The following TRIM71 variants were observed in gnomAD, a reference collection of about 807,000 sequenced individuals.
TRIM71 encodes E3 ubiquitin-protein ligase TRIM71.
Under a neutral mutation model 61.2 loss-of-function variants are expected in TRIM71, and 9 were observed. The ratio of observed to expected loss-of-function variants is 0.15; its 90% CI spans 0.09 to 0.26. The LOEUF (loss-of-function observed/expected upper bound fraction) is 0.26. Ranked by LOEUF, TRIM71 falls within the 10% of genes least tolerant of loss-of-function variation. TRIM71 has a pLI of 1.00. For missense variants in TRIM71, 998 were observed against 1,238.7 expected (o/e 0.81, Z 2.92); for synonymous variants, 645 against 553.2 (o/e 1.17, Z -2.33).
chr3:32,897,644 C>CT lies in TRIM71; in HGVS notation c.*5834dup, dbSNP rs1697094258. 6.6e-6 allele frequency: 1 copy of CT among 152,148 alleles called. No individual in the cohort carries two copies. The highest frequency in any genetic ancestry group is 2.4e-5 in the African/African-American group (1 of 41,418). 9.4% of individuals were successfully genotyped at this position (152,148 alleles called of 1,614,324 possible). On this transcript the variant is annotated 3_prime_UTR_variant, in exon 4 of 4. Coordinates refer to ENST00000383763, the MANE Select transcript of TRIM71 (RefSeq NM_001039111.3). Reference sequence around the variant, plus strand: ...AAGTGTTCAAAAACTCCTGTGTTAGCTAACAGGCTTCTGAATGTATCACTG... The same window carrying CT: ...AAGTGTTCAAAAACTCCTGTGTTAGCTTAACAGGCTTCTGAATGTATCACTG...
intron 1 of TRIM71, among the ~76,000 whole-genome samples, chr3:32,845,149 G>C (rs1434197859): frequency 6.7e-6 from 1 of 149,882 alleles, no homozygotes; most frequent in Non-Finnish European, 1.5e-5. Context: ...CCAGGTACCT[G>C]TCTGGATTGT....
intron 1 of TRIM71, among the ~76,000 whole-genome samples, chr3:32,830,910 A>G (rs1696263466): frequency 6.6e-6 from 1 of 152,188 alleles, no homozygotes. Flanking sequence ...TCCTGGGTTC[A>G]AGCGATTCTC....
chr3:32,821,368 TTA>T (rs1432592057), intron 1 of TRIM71, among the ~76,000 whole-genome samples: 3 of 152,146 alleles, frequency 2.0e-5, no homozygotes, highest in Admixed American at 2.0e-4. Flanking sequence ...CACCTTTTCC[TTA>T]TAGTGACTCA....
chr3:32,851,613 G>C (rs1444268386), intron 1 of TRIM71, among the ~76,000 whole-genome samples: 1 of 152,044 alleles, frequency 6.6e-6, no homozygotes, highest in African/African-American at 2.4e-5. Flanking sequence ...CGAGTAGCTG[G>C]GATTACAAGT....
chr3:32,855,450 C>A (rs1297319477), intron 1 of TRIM71, among the ~76,000 whole-genome samples: 1 of 152,034 alleles, frequency 6.6e-6, no homozygotes, highest in Admixed American at 6.6e-5. Flanking sequence ...GCACAGTGAC[C>A]CCCAGGAGTG....
At chr3:32,873,062 T>TCCCCCCCCCCCCCC (rs1559548207) in intron 1 of TRIM71, among the ~76,000 whole-genome samples, 1 of 83,314 alleles carries the variant, frequency 1.2e-5, no homozygotes, top group African/African-American at 3.9e-5. Context: ...CTTCTCTCTC[T>TCCCCCCCCCCCCCC]TCCTCCCTCC....
chr3:32,891,964 G>A lies in TRIM71; in HGVS notation c.*153G>A. 5 of 1,105,234 alleles carry A rather than the reference G, an allele frequency of 4.5e-6. No homozygotes were observed. The highest frequency in any genetic ancestry group is 6.2e-6 in the Non-Finnish European group (5 of 809,420). The allele number at this position is 1,105,234 out of a possible 1,614,324, so 68.5% of individuals were successfully genotyped here. On this transcript the variant is annotated 3_prime_UTR_variant, in exon 4 of 4. Coordinates refer to ENST00000383763, the MANE Select transcript of TRIM71 (RefSeq NM_001039111.3). The surrounding 1 kb of genome is among the most constrained non-coding windows in gnomAD (Gnocchi z 8.2). ...TTTTTTTTTAAAGAGAACAAGAAAA[G>A]TACAACATTGCTTAAGTCCTACCTC...
At chr3:32,867,063 G>A (rs1339163890) in intron 1 of TRIM71, among the ~76,000 whole-genome samples, 2 of 151,998 alleles carry the variant, frequency 1.3e-5, no homozygotes, top group Non-Finnish European at 2.9e-5. Context: ...CTGATTTCAA[G>A]TTTTCCTTTC....
chr3:32,874,101 A>C, intron 2 of TRIM71, 116 bp downstream of exon 2: 2 of 1,110,786 alleles, frequency 1.8e-6, no homozygotes, highest in Non-Finnish European at 2.5e-6. Context: ...AGTGACCCAA[A>C]TGAGCTCAGG....
At chr3:32,873,784 C>G (rs1203922512) in intron 1 of TRIM71, 34 bp from the exon 2 acceptor site, 1 of 1,457,914 alleles carries the variant, frequency 6.9e-7, no homozygotes. Context: ...CGTCCTGCAT[C>G]TCCATTTATG....
rs1453897658 is a variant in TRIM71, at chr3:32,895,321, A to G, written c.*3510A>G. The stretch of plus-strand genomic sequence containing the variant: ...AAAGGGTACCATAAACCGAATCCAA[A>G]TTACGTGTTGGGCCAAAAATGTTGC... On this transcript the variant is annotated 3_prime_UTR_variant, in exon 4 of 4. Coordinates refer to ENST00000383763, the MANE Select transcript of TRIM71 (RefSeq NM_001039111.3). 6.6e-6 allele frequency: 1 copy of G among 152,182 alleles called. No individual in the cohort carries two copies. Among genetic ancestry groups the G allele is most frequent in the East Asian group, 1.9e-4 (1 of 5,188 alleles). The allele number at this position is 152,182 out of a possible 1,614,324, so 9.4% of individuals were successfully genotyped here. A position where few individuals can be genotyped will look rare whatever the true frequency, so the allele number is the denominator to read the frequency against.
rs1004460853 is a variant in TRIM71 at position 32,891,878 on chromosome 3, C to T, written c.*67C>T. 81 of 1,483,754 alleles carry T rather than the reference C, an allele frequency of 5.5e-5. No individual in the cohort carries two copies. Among genetic ancestry groups the T allele is most frequent in the Middle Eastern group, 2.0e-4 (1 of 5,110 alleles). 91.9% of individuals were successfully genotyped at this position (1,483,754 alleles called of 1,614,324 possible). On this transcript the variant is annotated 3_prime_UTR_variant, in exon 4 of 4. Transcript: ENST00000383763. This position sits in a 1 kb window ranked among gnomAD's most constrained non-coding sequence, Gnocchi z 8.2. ...TCTCTCTCTCTCTCTCTCTCTTTCT[C>T]TTTCTCTCTCTTTTTGAATTTCAAA...
intron 1 of TRIM71, among the ~76,000 whole-genome samples, chr3:32,847,569 TTG>T (rs1188754968): frequency 6.6e-6 from 1 of 152,226 alleles, no homozygotes; most frequent in Non-Finnish European, 1.5e-5. Context: ...AACTTTAAGG[TTG>T]TGCATTTTAA....
At chr3:32,856,312 T>C (rs1696604001) in intron 1 of TRIM71, among the ~76,000 whole-genome samples, 3 of 152,140 alleles carry the variant, frequency 2.0e-5, no homozygotes, top group Admixed American at 2.0e-4. Flanking sequence ...CCACCGCACC[T>C]GGCCCTCTAA....
chr3:32,875,458 C>T (rs1696843944), intron 2 of TRIM71, among the ~76,000 whole-genome samples: 1 of 152,170 alleles, frequency 6.6e-6, no homozygotes, highest in Admixed American at 6.5e-5. Context: ...AAGTTGTTCA[C>T]CCTCTAGGAG....
At chr3:32,860,058 C>T (rs1474858037) in intron 1 of TRIM71, among the ~76,000 whole-genome samples, 2 of 151,754 alleles carry the variant, frequency 1.3e-5, no homozygotes, top group Non-Finnish European at 2.9e-5. Flanking sequence ...GTTGTGCTTT[C>T]TCTTTCTCCC....
intron 1 of TRIM71, among the ~76,000 whole-genome samples, chr3:32,822,636 C>A (rs986381510): frequency 2.0e-5 from 3 of 149,978 alleles, no homozygotes. Context: ...TGCATATACT[C>A]AGTGTATGCA....
In TRIM71 at chr3:32,896,026, G is replaced by A. The variant is rs1308047631; in HGVS notation, c.*4215G>A. ...CAGGCAAATGTAGTCATAAATCCAA[G>A]TAGTTCTTAGCAATCTGGCTTTTCC... On this transcript the variant is annotated 3_prime_UTR_variant, in exon 4 of 4. Coordinates refer to ENST00000383763, the MANE Select transcript of TRIM71 (RefSeq NM_001039111.3). The A allele has an allele frequency of 6.6e-6, 1 of 152,178 alleles. No homozygotes were observed. The highest frequency in any genetic ancestry group is 1.5e-5 in the Non-Finnish European group (1 of 68,042). 9.4% of individuals were successfully genotyped at this position (152,178 alleles called of 1,614,324 possible). A position where few individuals can be genotyped will look rare whatever the true frequency, so the allele number is the denominator to read the frequency against.
At chr3:32,872,761 G>T (rs1275000762) in intron 1 of TRIM71, among the ~76,000 whole-genome samples, 1 of 152,156 alleles carries the variant, frequency 6.6e-6, no homozygotes, top group Admixed American at 6.5e-5. Context: ...TAACACTGTG[G>T]CCTTGAGCAC....
Sources: gnomAD v4.1 joint callset for allele counts (sites outside exome capture counted in the v4.1 genomes callset) on GRCh38, gnomAD v4.1.1 for gene constraint, Gnocchi (gnomAD v3.1) non-coding constraint, MANE v1.5 for transcripts, NCBI Gene and HGNC (gene_info 2026-07-23, HGNC 2026-07-21) for gene names.